PRDM1: variants seen among roughly 807,000 people sequenced by gnomAD.
PRDM1 encodes PR domain zinc finger protein 1.
In PRDM1, 13 loss-of-function variants were observed where a neutral mutation model predicts 62.8. The ratio of observed to expected loss-of-function variants is 0.21; its 90% confidence interval spans 0.13 to 0.33. The LOEUF (loss-of-function observed/expected upper bound fraction) is 0.33. Ranked by LOEUF, PRDM1 falls within the 10% of genes least tolerant of loss-of-function variation. PRDM1 has a pLI of 1.00. For synonymous variants in PRDM1, 396 were observed against 417.6 expected, an observed-to-expected ratio of 0.95 and a Z score of 0.63; for missense variants, 895 against 1,058.8, an observed-to-expected ratio of 0.85 and a Z score of 2.15.
chr6:106,038,014 C>CTTTTTTTTGTTTTTTTTTTTTT (rs1772945213), intron 1 of PRDM1, among the ~76,000 whole-genome samples: 2 of 47,794 alleles, frequency 4.2e-5, no homozygotes, highest in Non-Finnish European at 7.1e-5. Flanking sequence ...CTATTTTTGT[C>CTTTTTTTTGTTTTTTTTTTTTT]TTTTTTTTTT....
At chr6:106,041,813 T>C (rs951168569) in intron 1 of PRDM1, among the ~76,000 whole-genome samples, 14 of 149,026 alleles carry the variant, frequency 9.4e-5, no homozygotes, top group South Asian at 2.1e-4. Context: ...TTCTTTCTTT[T>C]TTTTTTTTTT....
chr6:106,107,182 G>A lies in PRDM1; in HGVS notation c.2174G>A (p.Arg725Gln), dbSNP rs940196192. 2.4e-5 allele frequency: 38 copies of A among 1,614,046 alleles called. No homozygotes were observed. Among genetic ancestry groups the A allele is most frequent in the Middle Eastern group, 3.3e-4 (2 of 6,084 alleles). The change falls in exon 7 of 7, where the codon CGA (arginine) becomes CAA (glutamine). Residue 725 changes from arginine (R) to glutamine (Q), a missense_variant. Coordinates refer to ENST00000369096, the MANE Select transcript of PRDM1 (RefSeq NM_001198.4). ...GGGCTGCCCTTGGAAGATCTGACCC[G>A]AATCAATGAAGAAATCGAGAAGTTT... ...APGLPLEDLTRINEEIEKFDI... is the reference protein window; with the variant it reads ...APGLPLEDLTQINEEIEKFDI...
intron 1 of PRDM1, among the ~76,000 whole-genome samples, chr6:106,068,298 G>T (rs770454053): frequency 3.9e-5 from 6 of 152,166 alleles, no homozygotes; most frequent in Non-Finnish European, 7.4e-5. Flanking sequence ...CACCATGTTG[G>T]TCAGGCTGGT....
At position 106,106,385 on chromosome 6, in the gene PRDM1, G is replaced by T; in HGVS notation, c.1788G>T (p.Val596=). ...CTTCTTCCCAGGTCCACCTGAGAGT[G>T]CACAGTGGAGAACGGCCTTTCAAAT... is the stretch of plus-strand genomic sequence containing the variant. ...QLSNLKVHLR[V]HSGERPFKCQ... is the part of the protein sequence containing the mutation. Residue 596 remains valine, a synonymous_variant, in exon 6 of 7, where the codon GTG becomes GTT. Transcript: ENST00000369096. The surrounding 1 kb of genome is among the most constrained non-coding windows in gnomAD (Gnocchi z 4.4). The T allele has an allele frequency of 6.2e-7, 1 of 1,614,198 alleles. No individual in the cohort carries two copies. The highest frequency in any genetic ancestry group is 8.5e-7 in the Non-Finnish European group (1 of 1,180,032).
At chr6:106,036,733 G>A (rs1772930391) in intron 1 of PRDM1, among the ~76,000 whole-genome samples, 1 of 152,140 alleles carries the variant, frequency 6.6e-6, no homozygotes, top group African/African-American at 2.4e-5. Context: ...GCTGAGGCGG[G>A]CAGATCACTT....
At chr6:105,993,639 G>C (rs1031470223) in exon 1 of PRDM1, among the ~76,000 whole-genome samples, 24 of 152,190 alleles carry the variant, frequency 1.6e-4, no homozygotes, top group Admixed American at 2.6e-4. Context: ...GACGTTAGAA[G>C]GTCTTTAAAA....
At chr6:106,042,722 T>G (rs1297989927) in intron 1 of PRDM1, among the ~76,000 whole-genome samples, 2 of 152,164 alleles carry the variant, frequency 1.3e-5, no homozygotes, top group Admixed American at 1.3e-4. Context: ...GCACTCACCC[T>G]GCTGCAGCTA....
chr6:106,008,151 T>A (rs2114547702), intron 1 of PRDM1, among the ~76,000 whole-genome samples: 1 of 152,278 alleles, frequency 6.6e-6, no homozygotes, highest in African/African-American at 2.4e-5. Flanking sequence ...GGTGGGTGGA[T>A]CACGAGGTCA....
At chr6:106,056,933 G>T (rs1773276514) in intron 1 of PRDM1, among the ~76,000 whole-genome samples, 1 of 152,188 alleles carries the variant, frequency 6.6e-6, no homozygotes, top group Non-Finnish European at 1.5e-5. Flanking sequence ...GGGACAATGG[G>T]TGTGGCTTTT....
At chr6:106,080,573 T>A (rs1323312806) in intron 1 of PRDM1, among the ~76,000 whole-genome samples, 1 of 152,212 alleles carries the variant, frequency 6.6e-6, no homozygotes, top group Non-Finnish European at 1.5e-5. Context: ...CATCCCTGAA[T>A]GCGAGAGCCA....
chr6:106,009,705 G>C (rs1485415741), intron 1 of PRDM1, among the ~76,000 whole-genome samples: 1 of 152,004 alleles, frequency 6.6e-6, no homozygotes, highest in Non-Finnish European at 1.5e-5. Flanking sequence ...AGTGTGATGT[G>C]ATTATCTTCT....
At chr6:106,099,267 T>TC (rs1774197905) in intron 3 of PRDM1, 33 bp from the exon 4 acceptor site, 3 of 1,612,564 alleles carry the variant, frequency 1.9e-6, no homozygotes, top group Non-Finnish European at 2.5e-6. Context: ...GGGTCTGACT[T>TC]CCTTTTACAT....
intron 1 of PRDM1, among the ~76,000 whole-genome samples, chr6:106,076,006 C>G (rs1773599856): frequency 1.3e-5 from 2 of 151,134 alleles, no homozygotes; most frequent in South Asian, 4.2e-4. Flanking sequence ...GCCTGGAGTG[C>G]AGTGGCACGA....
At chr6:106,080,045 G>A (rs2114608317) in intron 1 of PRDM1, among the ~76,000 whole-genome samples, 1 of 152,330 alleles carries the variant, frequency 6.6e-6, no homozygotes, top group Non-Finnish European at 1.5e-5. Flanking sequence ...GAGAGCACAT[G>A]CAGGTAGGCG....
intron 1 of PRDM1, among the ~76,000 whole-genome samples, chr6:106,060,917 G>A (rs1347156699): frequency 6.6e-6 from 1 of 152,076 alleles, no homozygotes; most frequent in Admixed American, 6.6e-5. Context: ...CGTCATCAAG[G>A]GGGATAGACC....
At chr6:106,068,104 T>C (rs1773461200) in intron 1 of PRDM1, among the ~76,000 whole-genome samples, 3 of 152,018 alleles carry the variant, frequency 2.0e-5, no homozygotes. Flanking sequence ...TTCTTTTTTT[T>C]TTTTGAGATG....
chr6:106,040,318 C>T (rs1488671472), intron 1 of PRDM1, among the ~76,000 whole-genome samples: 3 of 152,146 alleles, frequency 2.0e-5, no homozygotes, highest in African/African-American at 7.2e-5. Context: ...ACCATTCTAG[C>T]TAGACTAGAG....
chr6:106,012,628 AC>A (rs1315187460), intron 1 of PRDM1, among the ~76,000 whole-genome samples: 1 of 150,704 alleles, frequency 6.6e-6, no homozygotes, highest in Non-Finnish European at 1.5e-5. Flanking sequence ...ACCATACATT[AC>A]CCCCCTACAC....
intron 1 of PRDM1, among the ~76,000 whole-genome samples, chr6:106,073,119 T>G (rs1230725927): frequency 2.0e-5 from 3 of 150,282 alleles, no homozygotes; most frequent in South Asian, 2.1e-4. Flanking sequence ...TTTTTTTTTT[T>G]TTTGTTTGTT....
Sources: gnomAD v4.1 joint callset for allele counts (sites outside exome capture counted in the v4.1 genomes callset) on GRCh38, gnomAD v4.1.1 for gene constraint, Gnocchi (gnomAD v3.1) non-coding constraint, MANE v1.5 for transcripts, NCBI Gene and HGNC (gene_info 2026-07-23, HGNC 2026-07-21) for gene names.